The following ADAMTS12 variants were observed in gnomAD, a reference collection of about 807,000 sequenced individuals.
ADAMTS12 encodes ADAM metallopeptidase with thrombospondin type 1 motif 12, also known as A disintegrin and metalloproteinase with thrombospondin motifs 12.
In ADAMTS12, 118 loss-of-function variants were observed where a neutral mutation model predicts 167.8. The observed-to-expected ratio is 0.70, with a 90% CI of 0.61 to 0.82. The LOEUF (loss-of-function observed/expected upper bound fraction) is 0.82, where lower values mean the gene tolerates loss of function less well. ADAMTS12 is among the 40% of genes least tolerant of loss of function. The pLI is 0.00. For synonymous variants in ADAMTS12, 704 were observed against 716.9 expected, an observed-to-expected ratio of 0.98 and a Z score of 0.29; for missense variants, 1,916 against 1,998.8, an observed-to-expected ratio of 0.96 and a Z score of 0.79.
In ADAMTS12 at chr5:33,665,431, C is replaced by T. The variant is rs78506625; in HGVS notation, c.916-3391G>A. 6.8e-3 allele frequency among the ~76,000 whole-genome samples: 1,033 copies of T among 152,136 alleles called. 15 individuals are homozygous for T. Among genetic ancestry groups the T allele is most frequent in the African/African-American group, 0.024 (982 of 41,484 alleles). On this transcript the variant is annotated intron_variant, in intron 5 of 23. Transcript: ENST00000504830. Reference sequence around the variant, plus strand: ...AAGAAAGCATACAAGGTAATGTATGCGTTAATTAGCCTGATTTAGCCATTC... The same window carrying T: ...AAGAAAGCATACAAGGTAATGTATGTGTTAATTAGCCTGATTTAGCCATTC...
chr5:33,866,526 A>G (rs940063906), intron 2 of ADAMTS12, among the ~76,000 whole-genome samples: 1 of 152,140 alleles, frequency 6.6e-6, no homozygotes, highest in Non-Finnish European at 1.5e-5. Flanking sequence ...TCTTATGAAC[A>G]TTGGCCTATG....
chr5:33,531,989 C>T (rs1163914783), intron 23 of ADAMTS12, among the ~76,000 whole-genome samples: 2 of 152,160 alleles, frequency 1.3e-5, no homozygotes, highest in African/African-American at 4.8e-5. Flanking sequence ...TACATCAGTT[C>T]TCCCTATTGC....
At chr5:33,863,607 A>G (rs1160141248) in intron 2 of ADAMTS12, among the ~76,000 whole-genome samples, 3 of 152,214 alleles carry the variant, frequency 2.0e-5, no homozygotes, top group African/African-American at 4.8e-5. Context: ...AAGAATCAAT[A>G]TCGTGAAAAT....
chr5:33,569,310 C>A lies in ADAMTS12; in HGVS notation c.3972+6744G>T, dbSNP rs186866096. Among the ~76,000 whole-genome samples, 425 of 152,332 alleles carry A rather than the reference C, an allele frequency of 2.8e-3. 4 individuals carry two copies. Among genetic ancestry groups the A allele is most frequent in the Non-Finnish European group, 1.7e-3 (114 of 68,034 alleles). On this transcript the variant is annotated intron_variant, in intron 19 of 23. Transcript: ENST00000504830. ...CTGCCTCCTCAAGTGGGTCCCTGAC[C>A]CCTGTTCCCTGAGCAGCCTAACTGG...
Position 33,667,301 on chromosome 5 carries a change from G to C in ADAMTS12, c.916-5261C>G, listed in dbSNP as rs1163632724. On this transcript the variant is annotated intron_variant, in intron 5 of 23. Coordinates refer to ENST00000504830, the MANE Select transcript of ADAMTS12 (RefSeq NM_030955.4). ...TCACTGCACTCCAGCCTGGGCAACA[G>C]AGTGAGACTCTGTCTCAAAAAAAAA... is the stretch of plus-strand genomic sequence containing the variant. 2.6e-5 allele frequency among the ~76,000 whole-genome samples: 3 copies of C among 117,128 alleles called. No homozygotes were observed. In the East Asian group the frequency reaches 7.7e-4, roughly 30 times the overall value. 76.8% of individuals were successfully genotyped at this position (117,128 alleles called of 152,430 possible).
At chr5:33,729,207 G>A (rs1744089749) in intron 3 of ADAMTS12, among the ~76,000 whole-genome samples, 1 of 152,192 alleles carries the variant, frequency 6.6e-6, no homozygotes, top group Non-Finnish European at 1.5e-5. Flanking sequence ...TGAGTGAATA[G>A]CAATTCATGA....
chr5:33,658,032 G>T, intron 7 of ADAMTS12, 152 bp downstream of exon 7: 1 of 970,864 alleles, frequency 1.0e-6, no homozygotes, highest in Non-Finnish European at 1.6e-6. Flanking sequence ...CCACTTTACA[G>T]ATGAAAGCAG....
chr5:33,655,894 G>A (rs1741044254), intron 7 of ADAMTS12, among the ~76,000 whole-genome samples: 1 of 151,902 alleles, frequency 6.6e-6, no homozygotes, highest in African/African-American at 2.4e-5. Context: ...ACTTATGAGT[G>A]GGAATATGAG....
chr5:33,834,866 G>C (rs1748445468), intron 2 of ADAMTS12, among the ~76,000 whole-genome samples: 1 of 152,212 alleles, frequency 6.6e-6, no homozygotes, highest in East Asian at 1.9e-4. Flanking sequence ...AGGCCTTGCT[G>C]ATAGTGCTTT....
intron 2 of ADAMTS12, among the ~76,000 whole-genome samples, chr5:33,770,906 A>G (rs1375011889): frequency 2.7e-5 from 4 of 148,502 alleles, no homozygotes; most frequent in African/African-American, 1.0e-4. Context: ...AGAGATTCTG[A>G]TCTTGAACTT....
intron 2 of ADAMTS12, among the ~76,000 whole-genome samples, chr5:33,758,361 C>T (rs1054890439): frequency 5.9e-5 from 9 of 151,938 alleles, no homozygotes; most frequent in Non-Finnish European, 1.3e-4. Flanking sequence ...TGATCCTGAG[C>T]CATCGCTAGG....
chr5:33,661,435 G>T (rs76708738), intron 6 of ADAMTS12, among the ~76,000 whole-genome samples: 2 of 152,126 alleles, frequency 1.3e-5, no homozygotes, highest in Non-Finnish European at 2.9e-5. Flanking sequence ...CCTACTCAGC[G>T]GGGACCTGCT....
chr5:33,849,043 G>GTATTGCATAGCAATATATATATATA (rs1749067510), intron 2 of ADAMTS12, among the ~76,000 whole-genome samples: 2 of 142,570 alleles, frequency 1.4e-5, no homozygotes, highest in African/African-American at 5.3e-5. Flanking sequence ...ATATATATAT[G>GTATTGCATAGCAATATATATATATA]TATTGCATAG....
At chr5:33,878,700 T>C (rs969626929) in intron 2 of ADAMTS12, among the ~76,000 whole-genome samples, 2 of 152,216 alleles carry the variant, frequency 1.3e-5, no homozygotes, top group African/African-American at 2.4e-5. Flanking sequence ...CACCCACTTA[T>C]GCTAATCCAG....
intron 3 of ADAMTS12, among the ~76,000 whole-genome samples, chr5:33,731,637 T>C (rs1173100025): frequency 6.6e-6 from 1 of 152,128 alleles, no homozygotes; most frequent in Non-Finnish European, 1.5e-5. Flanking sequence ...CAATTAAGGA[T>C]TGCTAAAAAT....
intron 9 of ADAMTS12, 112 bp downstream of exon 9, chr5:33,648,710 G>A (rs1392382708): frequency 6.8e-6 from 9 of 1,323,664 alleles, no homozygotes; most frequent in Non-Finnish European, 3.1e-6. Context: ...TAAATATAAA[G>A]CTTCTATTTC....
intron 18 of ADAMTS12, among the ~76,000 whole-genome samples, chr5:33,580,076 G>A (rs384821): frequency 0.21 from 32,377 of 152,204 alleles, 3,552 homozygotes; most frequent in Non-Finnish European, 0.24. Flanking sequence ...CGATGGATAT[G>A]TGGTTTTCAA....
intron 5 of ADAMTS12, among the ~76,000 whole-genome samples, chr5:33,672,396 A>C (rs750830741): frequency 6.6e-6 from 1 of 152,018 alleles, no homozygotes; most frequent in Non-Finnish European, 1.5e-5. Flanking sequence ...ACATCCACAC[A>C]CTCACACATG....
At position 33,616,017 on chromosome 5, in the gene ADAMTS12, T is replaced by C. The variant is rs145853154; in HGVS notation, c.2199A>G (p.Glu733=). ...CCAGGAAGTTTCCAGCTCCCTCAAT[T>C]TCCATCACTCTTATGTCCCTTGCTC... ...PKGARDIRVM[E]IEGAGNFLAI... is the part of the protein sequence containing the mutation. Residue 733 remains glutamate (E), a synonymous_variant, in exon 15 of 24, where the codon GAA becomes GAG. Coordinates refer to ENST00000504830, the MANE Select transcript of ADAMTS12 (RefSeq NM_030955.4). The C allele has an allele frequency of 1.8e-4, 291 of 1,614,050 alleles. No homozygotes were observed. The highest frequency in any genetic ancestry group is 2.4e-4 in the Non-Finnish European group (280 of 1,180,020).
Sources: gnomAD v4.1 joint callset for allele counts (sites outside exome capture counted in the v4.1 genomes callset) on GRCh38, gnomAD v4.1.1 for gene constraint, MANE v1.5 for transcripts, NCBI Gene and HGNC (gene_info 2026-07-23, HGNC 2026-07-21) for gene names.